Variants in RPTOR observed in about 807,000 individuals in gnomAD.
RPTOR encodes the protein regulatory-associated protein of mTOR.
RPTOR carries 21 observed loss-of-function variants against 169.9 expected under a neutral mutation model. The ratio of observed to expected loss-of-function variants is 0.12; its 90% CI spans 0.09 to 0.18. The LOEUF is 0.18. Among genes scored for constraint, RPTOR ranks in the 10% least tolerant of loss-of-function variants. The probability of loss-of-function intolerance (pLI) is 1.00; values close to 1 mark genes in which losing one functional copy is unlikely to be tolerated. For synonymous variants in RPTOR, 732 were observed against 753.2 expected (o/e 0.97, Z 0.46); for missense variants, 1,133 against 1,855.9 (o/e 0.61, Z 7.16).
intron 29 of RPTOR, among the ~76,000 whole-genome samples, chr17:80,958,161 G>A (rs1378339758): frequency 1.4e-5 from 2 of 144,626 alleles, no homozygotes; most frequent in African/African-American, 5.1e-5. Flanking sequence ...GCTCACTGCA[G>A]CCTCAACCTC....
At chr17:80,961,058 C>A in intron 30 of RPTOR, 1 of 360,138 alleles carries the variant, frequency 2.8e-6, no homozygotes, top group Non-Finnish European at 5.1e-6. Context: ...GGAAGCAAAG[C>A]AAAGGGTGGG....
At chr17:80,763,944 C>T (rs1423163934) in intron 6 of RPTOR, among the ~76,000 whole-genome samples, 1 of 151,940 alleles carries the variant, frequency 6.6e-6, no homozygotes, top group African/African-American at 2.4e-5. Flanking sequence ...ATCCCAATAA[C>T]TAATCTCTTT....
At chr17:80,660,135 G>A (rs2065710845) in intron 3 of RPTOR, among the ~76,000 whole-genome samples, 1 of 152,084 alleles carries the variant, frequency 6.6e-6, no homozygotes, top group Non-Finnish European at 1.5e-5. Context: ...GCTGGGCATG[G>A]TGGTGGGCGC....
chr17:80,945,911 C>G (rs1487101549), intron 26 of RPTOR, 130 bp downstream of exon 26: 4 of 517,264 alleles, frequency 7.7e-6, no homozygotes, highest in Non-Finnish European at 1.3e-5. Flanking sequence ...GCCCTTAGCA[C>G]TGTTTCCTGA....
chr17:80,798,706 G>T (rs889060334), intron 7 of RPTOR, among the ~76,000 whole-genome samples: 3 of 152,130 alleles, frequency 2.0e-5, no homozygotes, highest in Non-Finnish European at 4.4e-5. Flanking sequence ...CCAAGGGGGG[G>T]CCAAGGCACT....
At chr17:80,907,907 G>C (rs1382535861) in intron 20 of RPTOR, among the ~76,000 whole-genome samples, 1 of 152,168 alleles carries the variant, frequency 6.6e-6, no homozygotes, top group Non-Finnish European at 1.5e-5. Context: ...ACTGCTGACA[G>C]AAGGAGTCAC....
At chr17:80,850,358 G>A (rs535726843) in intron 11 of RPTOR, among the ~76,000 whole-genome samples, 180 of 152,302 alleles carry the variant, frequency 1.2e-3, no homozygotes, top group African/African-American at 4.1e-3. Flanking sequence ...ATGGCCTCCT[G>A]TTTCACCCAT....
intron 20 of RPTOR, among the ~76,000 whole-genome samples, chr17:80,898,910 G>A (rs932027005): frequency 2.0e-5 from 3 of 151,910 alleles, no homozygotes; most frequent in African/African-American, 2.4e-5. Context: ...CGAAACAGAC[G>A]CAGGGCATCC....
intron 28 of RPTOR, among the ~76,000 whole-genome samples, chr17:80,956,515 T>C (rs562835183): frequency 6.6e-6 from 1 of 152,380 alleles, no homozygotes; most frequent in South Asian, 2.1e-4. Flanking sequence ...CCGTGGCCCA[T>C]GCCGAGCTCC....
At chr17:80,637,421 G>A (rs2065516529) in intron 2 of RPTOR, among the ~76,000 whole-genome samples, 1 of 152,182 alleles carries the variant, frequency 6.6e-6, no homozygotes, top group South Asian at 2.1e-4. Flanking sequence ...CCCTGCTGAC[G>A]GCCAAGACCT....
intron 1 of RPTOR, among the ~76,000 whole-genome samples, chr17:80,553,273 A>AG (rs2084367127): frequency 6.6e-6 from 1 of 152,208 alleles, no homozygotes; most frequent in Non-Finnish European, 1.5e-5. Flanking sequence ...GGCTGCCTGG[A>AG]GGAGGAGCAT....
intron 9 of RPTOR, among the ~76,000 whole-genome samples, chr17:80,825,407 C>CGTGGCGAGG (rs2067431133): frequency 1.3e-5 from 2 of 152,366 alleles, no homozygotes. Flanking sequence ...CTAGAGACTG[C>CGTGGCGAGG]TTTCTAGGAC....
At chr17:80,833,081 G>A (rs775070069) in intron 9 of RPTOR, among the ~76,000 whole-genome samples, 16 of 137,546 alleles carry the variant, frequency 1.2e-4, no homozygotes, top group Non-Finnish European at 1.9e-4. Context: ...GTTTCTCTGC[G>A]GTAATAACCC....
At chr17:80,611,529 A>G (rs1362705593) in intron 1 of RPTOR, among the ~76,000 whole-genome samples, 3 of 152,062 alleles carry the variant, frequency 2.0e-5, no homozygotes, top group African/African-American at 7.2e-5. Flanking sequence ...GGCTTCCCAA[A>G]GTGTTGGGGT....
chr17:80,804,222 C>T (rs1266918914), intron 7 of RPTOR: 1 of 152,352 alleles, frequency 6.6e-6, no homozygotes, highest in East Asian at 1.9e-4. Context: ...ACTAGTGGCT[C>T]CGTTTGCAGA....
At chr17:80,864,281 G>A (rs903372778) in intron 13 of RPTOR, among the ~76,000 whole-genome samples, 2 of 139,428 alleles carry the variant, frequency 1.4e-5, no homozygotes, top group African/African-American at 2.7e-5. Context: ...AATGACGGCA[G>A]GTTTCTTCTT....
At chr17:80,912,373 T>G (rs1056909667) in intron 21 of RPTOR, among the ~76,000 whole-genome samples, 2 of 152,184 alleles carry the variant, frequency 1.3e-5, no homozygotes, top group African/African-American at 4.8e-5. Flanking sequence ...TTAATTTAGC[T>G]TCTTGGGTAT....
Position 80,960,249 on chromosome 17 carries a change from AC to A in RPTOR, c.3605+46del. The A allele has an allele frequency of 6.2e-7, 1 of 1,609,462 alleles. No homozygotes were observed. The highest frequency in any genetic ancestry group is 1.1e-5 in the South Asian group (1 of 90,922). ...CTCCCTCCCCGAGTGCTGGCAGGGT[AC>A]CTTCCAGGTGGTAGGGCCGTGTCAC... is the stretch of plus-strand genomic sequence containing the variant. On this transcript the variant is annotated intron_variant, in intron 30 of 33. Transcript: ENST00000306801. The surrounding 1 kb of genome is among the most constrained non-coding windows in gnomAD (Gnocchi z 4.8).
chr17:80,950,133 G>A (rs920467696), intron 28 of RPTOR, among the ~76,000 whole-genome samples: 3 of 152,198 alleles, frequency 2.0e-5, no homozygotes, highest in East Asian at 1.9e-4. Context: ...GGAGGCTCCC[G>A]GGGTCAGGCT....
Sources: allele counts gnomAD v4.1 joint callset (sites outside exome capture counted in the v4.1 genomes callset), GRCh38; gene constraint gnomAD v4.1.1; non-coding constraint Gnocchi (gnomAD v3.1); transcripts MANE v1.5; gene names NCBI Gene and HGNC (gene_info 2026-07-23, HGNC 2026-07-21).